The following ARHGAP23 variants were observed in gnomAD, a reference collection of about 807,000 sequenced individuals.
The protein encoded by ARHGAP23 is Rho GTPase activating protein 23.
A neutral mutation model predicts 136.3 loss-of-function variants in ARHGAP23; 34 were observed. That is an observed-to-expected ratio of 0.25 (90% confidence interval 0.19 to 0.33). The LOEUF is 0.33. Among genes scored for constraint, ARHGAP23 ranks in the 10% least tolerant of loss-of-function variants. The pLI is 1.00. For synonymous variants in ARHGAP23, 832 were observed against 920.5 expected (o/e 0.90, Z 1.74); for missense variants, 1,808 against 2,139.0 (o/e 0.85, Z 3.05).
At chr17:38,445,189 G>A (rs1047133313) in intron 1 of ARHGAP23, among the ~76,000 whole-genome samples, 5 of 151,438 alleles carry the variant, frequency 3.3e-5, no homozygotes, top group African/African-American at 7.3e-5. Context: ...TAATACGGCC[G>A]GGTGCTGTGG....
chr17:38,490,783 C>T (rs2040261116), intron 19 of ARHGAP23, among the ~76,000 whole-genome samples: 2 of 152,222 alleles, frequency 1.3e-5, no homozygotes, highest in African/African-American at 4.8e-5. Flanking sequence ...AACCCCGGCC[C>T]CCCGTATCCG....
intron 4 of ARHGAP23, 52 bp from the exon 5 acceptor site, chr17:38,463,066 G>C (rs1378427351): frequency 6.5e-7 from 1 of 1,545,474 alleles, no homozygotes; most frequent in African/African-American, 1.4e-5. Flanking sequence ...GGGGTTCTCA[G>C]ATGGGGCCTT....
At chr17:38,441,186 C>A (rs1338757055) in intron 1 of ARHGAP23, among the ~76,000 whole-genome samples, 1 of 152,254 alleles carries the variant, frequency 6.6e-6, no homozygotes, top group Non-Finnish European at 1.5e-5. Context: ...CATGACAACA[C>A]CCCTTGCTCT....
intron 17 of ARHGAP23, among the ~76,000 whole-genome samples, chr17:38,487,936 C>G (rs1367257608): frequency 6.6e-6 from 1 of 152,108 alleles, no homozygotes; most frequent in Admixed American, 6.6e-5. Context: ...GAATCTTGCT[C>G]TGTTGCCCAG....
chr17:38,464,912 T>TGCTGACGCCACC, intron 6 of ARHGAP23, among the ~76,000 whole-genome samples: 1 of 152,184 alleles, frequency 6.6e-6, no homozygotes, highest in East Asian at 1.9e-4. Flanking sequence ...CCTCGGCAGC[T>TGCTGACGCCACC]GCTGACGCCA....
chr17:38,425,677 A>C (rs527602653), upstream of ARHGAP23, among the ~76,000 whole-genome samples: 243 of 152,228 alleles, frequency 1.6e-3, 1 homozygote, highest in Middle Eastern at 0.031. Context: ...TCCAAACCCC[A>C]AAAAAATAGG....
At chr17:38,503,712 G>C (rs2040569799) in intron 23 of ARHGAP23, among the ~76,000 whole-genome samples, 1 of 152,166 alleles carries the variant, frequency 6.6e-6, no homozygotes, top group Non-Finnish European at 1.5e-5. Flanking sequence ...CCCAGTCTGG[G>C]CCTGCCTGAC....
At chr17:38,429,029 C>A (rs953788425) in intron 1 of ARHGAP23, among the ~76,000 whole-genome samples, 5 of 152,212 alleles carry the variant, frequency 3.3e-5, no homozygotes, top group African/African-American at 1.2e-4. Flanking sequence ...TCCGGACACC[C>A]CCTCCCCGCG....
chr17:38,423,474 C>T (rs910377273), upstream of ARHGAP23, among the ~76,000 whole-genome samples: 1 of 152,038 alleles, frequency 6.6e-6, no homozygotes, highest in Non-Finnish European at 1.5e-5. Context: ...CCAGTTCAAG[C>T]AATTCTCCTG....
rs1214095618 is a variant in ARHGAP23 at position 38,471,428 on chromosome 17, G to A, written c.1975-435G>A. Among the ~76,000 whole-genome samples, 6 of 152,196 alleles carry A rather than the reference G, an allele frequency of 3.9e-5. No homozygotes were observed. In the East Asian group the frequency reaches 1.2e-3, roughly 29 times the overall value. On this transcript the variant is annotated intron_variant, in intron 10 of 23. Transcript: ENST00000622683. ...ACTTGCGCCCTCTGGCTGGAGTCCT[G>A]TTGAGACTGTCACTTCCTCTGTTTA... is the stretch of plus-strand genomic sequence containing the variant.
rs545792772 is a variant in ARHGAP23, at chr17:38,438,580, C to T, written c.63+10032C>T. ...CTCATGCCATACTGAGGAACTTGCT[C>T]CCATAGCTACTTTGGAGCCACACAA... On this transcript the variant is annotated intron_variant, in intron 1 of 23. Coordinates refer to ENST00000622683, the MANE Select transcript of ARHGAP23 (RefSeq NM_001199417.2). 3.3e-5 allele frequency among the ~76,000 whole-genome samples: 5 copies of T among 152,244 alleles called. No homozygotes were observed. The South Asian group carries it at 1.0e-3, about 32-fold the overall frequency.
chr17:38,477,946 C>T lies in ARHGAP23; in HGVS notation c.2436+50C>T, dbSNP rs1835052331. On this transcript the variant is annotated intron_variant, in intron 12 of 23. Transcript: ENST00000622683. This position sits in a 1 kb window ranked among gnomAD's most constrained non-coding sequence, Gnocchi z 6.6. ...CCACAGAGGGCGGGCGGGGTGGCCT[C>T]TCACCGGCTGTGGACCTGGGATGCC... 3 of 1,541,358 alleles carry T rather than the reference C, an allele frequency of 1.9e-6. No individual in the cohort carries two copies. Among genetic ancestry groups the T allele is most frequent in the Non-Finnish European group, 2.6e-6 (3 of 1,141,212 alleles).
At chr17:38,460,386 G>A (rs1314396751) in intron 2 of ARHGAP23, among the ~76,000 whole-genome samples, 1 of 152,122 alleles carries the variant, frequency 6.6e-6, no homozygotes, top group Non-Finnish European at 1.5e-5. Context: ...TTCAGCCCCT[G>A]GTGTGCTGTG....
Position 38,511,311 on chromosome 17 carries a change from G to C in ARHGAP23, c.*339G>C, listed in dbSNP as rs2040761089. ...GGACCCTTGTGGACCATGGGGTGTG[G>C]CTAGGGAACCCCTAAGTTTCAGACT... On this transcript the variant is annotated 3_prime_UTR_variant, in exon 24 of 24. Transcript: ENST00000622683. 1 of 296,502 alleles carries C rather than the reference G, an allele frequency of 3.4e-6. No homozygotes were observed. The highest frequency in any genetic ancestry group is 2.2e-5 in the African/African-American group (1 of 45,964). The allele number at this position is 296,502 out of a possible 1,614,324, so 18.4% of individuals were successfully genotyped here.
At chr17:38,429,963 C>A (rs1307157708) in intron 1 of ARHGAP23, among the ~76,000 whole-genome samples, 2 of 152,126 alleles carry the variant, frequency 1.3e-5, no homozygotes, top group African/African-American at 4.8e-5. Context: ...GATTATATAA[C>A]CAGTCATTTC....
Position 38,479,752 on chromosome 17 carries a change from G to A in ARHGAP23, c.2499-1G>A. 5 of 1,478,150 alleles carry A rather than the reference G, an allele frequency of 3.4e-6. No homozygotes were observed. The highest frequency in any genetic ancestry group is 4.5e-6 in the Non-Finnish European group (5 of 1,112,466). The allele number at this position is 1,478,150 out of a possible 1,614,324, so 91.6% of individuals were successfully genotyped here. Reference sequence around the variant, plus strand: ...CTCCTCTCCCCCTTTTTCCTACACAGCCATAGCTCTGGGCCCAAAGCTGAT... The same window carrying A: ...CTCCTCTCCCCCTTTTTCCTACACAACCATAGCTCTGGGCCCAAAGCTGAT... On this transcript the variant is annotated splice_acceptor_variant, in intron 13 of 23. Transcript: ENST00000622683. LOFTEE classifies it high-confidence loss of function.
At chr17:38,498,849 C>T in intron 22 of ARHGAP23, 1 of 695,594 alleles carries the variant, frequency 1.4e-6, no homozygotes, top group Non-Finnish European at 2.6e-6. Context: ...TTCCTTTTCT[C>T]CTTGCACCCC....
chr17:38,489,517 G>A (rs946603173), intron 17 of ARHGAP23, among the ~76,000 whole-genome samples: 9 of 151,546 alleles, frequency 5.9e-5, no homozygotes, highest in Admixed American at 2.6e-4. Context: ...CTTTTCTGCC[G>A]TGCCAGCCGG....
chr17:38,464,844 C>T (rs770636699), intron 6 of ARHGAP23, among the ~76,000 whole-genome samples: 8 of 152,180 alleles, frequency 5.3e-5, no homozygotes, highest in African/African-American at 1.2e-4. Context: ...CTCTGCCAGC[C>T]GGAGGGTGGG....
Sources: allele counts gnomAD v4.1 joint callset (sites outside exome capture counted in the v4.1 genomes callset), GRCh38; gene constraint gnomAD v4.1.1; non-coding constraint Gnocchi (gnomAD v3.1); transcripts MANE v1.5; gene names NCBI Gene and HGNC (gene_info 2026-07-23, HGNC 2026-07-21).